CPNE4: variants seen among roughly 807,000 people sequenced by gnomAD.
CPNE4 encodes the protein copine-4.
CPNE4 carries 25 observed loss-of-function variants against 67.9 expected under a neutral mutation model. The observed-to-expected ratio is 0.37, with a 90% CI of 0.27 to 0.51. The LOEUF (loss-of-function observed/expected upper bound fraction) is 0.51. CPNE4 is among the 20% of genes least tolerant of loss of function. The pLI is 0.93. For synonymous variants in CPNE4, 242 were observed against 244.9 expected (o/e 0.99, Z 0.11); for missense variants, 464 against 690.8 (o/e 0.67, Z 3.68).
At chr3:131,745,987 T>C (rs1259181358) in intron 2 of CPNE4, among the ~76,000 whole-genome samples, 1 of 152,120 alleles carries the variant, frequency 6.6e-6, no homozygotes, top group Admixed American at 6.5e-5. Flanking sequence ...ACTGACATCT[T>C]TATTATTTTC....
intron 2 of CPNE4, among the ~76,000 whole-genome samples, chr3:131,865,542 T>C (rs2086905446): frequency 6.6e-6 from 1 of 152,108 alleles, no homozygotes; most frequent in Admixed American, 6.6e-5. Flanking sequence ...ATCACCCCTA[T>C]AAGGGAGCCA....
At chr3:131,950,370 C>A (rs2071686750) in intron 1 of CPNE4, among the ~76,000 whole-genome samples, 1 of 152,196 alleles carries the variant, frequency 6.6e-6, no homozygotes, top group African/African-American at 2.4e-5. Flanking sequence ...CACTTCAGCA[C>A]TACTCTTAGG....
intron 1 of CPNE4, among the ~76,000 whole-genome samples, chr3:131,925,818 C>T (rs1463045830): frequency 6.6e-6 from 1 of 152,148 alleles, no homozygotes. Context: ...CAAATGAACA[C>T]TTGAGAAATA....
intron 2 of CPNE4, among the ~76,000 whole-genome samples, chr3:131,797,606 T>C (rs1172789824): frequency 6.6e-6 from 1 of 152,178 alleles, no homozygotes; most frequent in Admixed American, 6.6e-5. Flanking sequence ...GAAACTCTAG[T>C]TATAAACTTT....
chr3:131,696,280 T>C (rs2081155389), intron 5 of CPNE4, among the ~76,000 whole-genome samples: 3 of 152,196 alleles, frequency 2.0e-5, no homozygotes, highest in Non-Finnish European at 2.9e-5. Flanking sequence ...GGTTAAATCA[T>C]ATTTACCTGT....
At chr3:131,841,468 C>A (rs1273464353) in intron 2 of CPNE4, among the ~76,000 whole-genome samples, 1 of 152,214 alleles carries the variant, frequency 6.6e-6, no homozygotes, top group Non-Finnish European at 1.5e-5. Context: ...GCATTTAGCT[C>A]TGCCTCCTGT....
At chr3:131,651,222 T>C (rs2079808665) in intron 7 of CPNE4, among the ~76,000 whole-genome samples, 1 of 152,160 alleles carries the variant, frequency 6.6e-6, no homozygotes, top group Admixed American at 6.5e-5. Flanking sequence ...CTCCCACATA[T>C]ATGCAGGGTC....
intron 2 of CPNE4, among the ~76,000 whole-genome samples, chr3:131,801,420 G>GTATGGGTGTGTA: frequency 1.3e-5 from 1 of 75,640 alleles, no homozygotes; most frequent in Non-Finnish European, 2.5e-5. Context: ...ATATACGTGT[G>GTATGGGTGTGTA]TGTGTGTGTG....
At chr3:131,947,552 C>T (rs2071588405) in intron 1 of CPNE4, among the ~76,000 whole-genome samples, 1 of 152,098 alleles carries the variant, frequency 6.6e-6, no homozygotes, top group South Asian at 2.1e-4. Context: ...CATGTCCCTG[C>T]AAAGGACATG....
intron 5 of CPNE4, among the ~76,000 whole-genome samples, chr3:131,689,509 T>C (rs929849281): frequency 6.6e-6 from 1 of 152,150 alleles, no homozygotes; most frequent in Non-Finnish European, 1.5e-5. Context: ...CATCCCTTCA[T>C]GATAAAAACC....
intron 3 of CPNE4, 74 bp from the exon 4 acceptor site, chr3:131,700,054 CT>C (rs3035263): frequency 0.17 from 41,850 of 250,410 alleles, 2,138 homozygotes; most frequent in Non-Finnish European, 0.19. Flanking sequence ...TTTTTTAAAC[CT>C]TTTTTTTTTT....
At chr3:131,791,526 G>T (rs924141976) in intron 2 of CPNE4, among the ~76,000 whole-genome samples, 7 of 152,066 alleles carry the variant, frequency 4.6e-5, no homozygotes, top group African/African-American at 1.2e-4. Context: ...CACTTGGAAG[G>T]TTTCAGTAAA....
chr3:131,972,741 G>A (rs772990856), intron 1 of CPNE4, among the ~76,000 whole-genome samples: 1 of 152,070 alleles, frequency 6.6e-6, no homozygotes, highest in African/African-American at 2.4e-5. Context: ...CTCTCATCCT[G>A]CATTTGTTCT....
At chr3:131,931,247 A>T (rs2071051352) in intron 1 of CPNE4, among the ~76,000 whole-genome samples, 1 of 152,146 alleles carries the variant, frequency 6.6e-6, no homozygotes, top group South Asian at 2.1e-4. Context: ...TCAGCATACA[A>T]ATACTGCAAA....
intron 2 of CPNE4, among the ~76,000 whole-genome samples, chr3:131,772,291 A>G (rs926239607): frequency 2.0e-5 from 3 of 152,142 alleles, no homozygotes; most frequent in African/African-American, 7.2e-5. Flanking sequence ...ATCCATGTTA[A>G]ATGAATAAAC....
intron 1 of CPNE4, among the ~76,000 whole-genome samples, chr3:132,007,343 T>C (rs2107672675): frequency 6.6e-6 from 1 of 152,272 alleles, no homozygotes; most frequent in Admixed American, 6.5e-5. Flanking sequence ...TTTTCTCCTA[T>C]TCTCCAAGCA....
At position 131,536,081 on chromosome 3, in the gene CPNE4, G is replaced by A. The variant is rs143244131; in HGVS notation, c.1540-752C>T. Among the ~76,000 whole-genome samples, 743 of 152,278 alleles carry A rather than the reference G, an allele frequency of 4.9e-3. 9 individuals carry two copies. The highest frequency in any genetic ancestry group is 0.016 in the African/African-American group (684 of 41,554). On this transcript the variant is annotated intron_variant, in intron 15 of 15. Transcript: ENST00000429747. ...GTTACCTGATGGAGCTGAAGGAAGT[G>A]TGTATGGCAGGTGGGGGACGAGGGG...
intron 7 of CPNE4, among the ~76,000 whole-genome samples, chr3:131,595,157 G>C (rs1443242198): frequency 6.6e-6 from 1 of 152,116 alleles, no homozygotes; most frequent in Non-Finnish European, 1.5e-5. Flanking sequence ...ACAATATGGA[G>C]GTTCTTCAAA....
At chr3:131,746,712 G>A (rs993041656) in intron 2 of CPNE4, among the ~76,000 whole-genome samples, 3 of 152,096 alleles carry the variant, frequency 2.0e-5, no homozygotes, top group African/African-American at 7.2e-5. Context: ...TGGCTACTGT[G>A]AATAGTATGG....
Sources: gnomAD v4.1 joint callset for allele counts (sites outside exome capture counted in the v4.1 genomes callset) on GRCh38, gnomAD v4.1.1 for gene constraint, MANE v1.5 for transcripts, NCBI Gene and HGNC (gene_info 2026-07-23, HGNC 2026-07-21) for gene names.